The following NCAM2 variants were observed in gnomAD, a reference collection of about 807,000 sequenced individuals.
NCAM2 encodes N-CAM-2.
A neutral mutation model predicts 98.1 loss-of-function variants in NCAM2; 30 were observed. That is an observed-to-expected ratio of 0.31 (90% CI 0.23 to 0.41). NCAM2 has a LOEUF of 0.41. NCAM2 is among the 10% of genes least tolerant of loss of function. The pLI, the probability that NCAM2 is intolerant of heterozygous loss-of-function variation, is 1.00. For synonymous variants in NCAM2, 368 were observed against 342.4 expected (o/e 1.07, Z -0.83); for missense variants, 867 against 1,005.8 (o/e 0.86, Z 1.87).
intron 8 of NCAM2, among the ~76,000 whole-genome samples, chr21:21,342,474 G>T (rs2075068751): frequency 6.6e-6 from 1 of 152,306 alleles, no homozygotes; most frequent in East Asian, 1.9e-4. Flanking sequence ...GCAAGCTCAG[G>T]TGGAGCTGTT....
intron 1 of NCAM2, among the ~76,000 whole-genome samples, chr21:21,256,327 G>T (rs2071670624): frequency 6.6e-6 from 1 of 152,118 alleles, no homozygotes; most frequent in Admixed American, 6.6e-5. Context: ...TTGCACTCCA[G>T]CCTGGGCAAC....
At chr21:21,176,803 T>G (rs2068304300) in intron 1 of NCAM2, among the ~76,000 whole-genome samples, 1 of 151,926 alleles carries the variant, frequency 6.6e-6, no homozygotes, top group Admixed American at 6.6e-5. Context: ...AATCAGCATT[T>G]ATCTGTACTA....
At chr21:21,454,744 A>G (rs1981868044) in intron 12 of NCAM2, among the ~76,000 whole-genome samples, 1 of 152,006 alleles carries the variant, frequency 6.6e-6, no homozygotes, top group Non-Finnish European at 1.5e-5. Context: ...GCTAAATATA[A>G]GTGTTAGCTT....
At chr21:21,512,928 G>C (rs908272504) in intron 16 of NCAM2, among the ~76,000 whole-genome samples, 11 of 151,966 alleles carry the variant, frequency 7.2e-5, no homozygotes, top group African/African-American at 2.7e-4. Flanking sequence ...ATTGTACGTT[G>C]ATTTTTTATC....
chr21:21,340,241 A>T (rs1368033631), intron 8 of NCAM2, among the ~76,000 whole-genome samples: 1 of 151,832 alleles, frequency 6.6e-6, no homozygotes, highest in Non-Finnish European at 1.5e-5. Flanking sequence ...ATTATTTTTC[A>T]GCTTACTGCA....
chr21:21,314,716 T>A (rs553006487), intron 5 of NCAM2, among the ~76,000 whole-genome samples: 14 of 152,256 alleles, frequency 9.2e-5, no homozygotes, highest in African/African-American at 3.4e-4. Flanking sequence ...ATTCTTTATG[T>A]TTGATAACTC....
chr21:21,393,555 A>G (rs1216896565), intron 9 of NCAM2, among the ~76,000 whole-genome samples: 6 of 152,286 alleles, frequency 3.9e-5, no homozygotes, highest in African/African-American at 9.6e-5. Context: ...TTTAAAGATA[A>G]TATCTTAATA....
intron 15 of NCAM2, among the ~76,000 whole-genome samples, chr21:21,497,956 A>G (rs1987361973): frequency 1.3e-5 from 2 of 152,154 alleles, no homozygotes; most frequent in South Asian, 4.1e-4. Context: ...TAAAGTTTTC[A>G]AATTCCCCAA....
intron 11 of NCAM2, among the ~76,000 whole-genome samples, chr21:21,421,582 T>G (rs1305934468): frequency 6.6e-6 from 1 of 152,216 alleles, no homozygotes; most frequent in Non-Finnish European, 1.5e-5. Flanking sequence ...TATGGTACTC[T>G]TATTTAATAC....
At chr21:21,176,515 ACT>A (rs780455475) in intron 1 of NCAM2, among the ~76,000 whole-genome samples, 2 of 151,996 alleles carry the variant, frequency 1.3e-5, no homozygotes, top group Non-Finnish European at 2.9e-5. Context: ...CAAAATATTA[ACT>A]CTAGAGTTTT....
chr21:21,185,149 C>T (rs1231096024), intron 1 of NCAM2, among the ~76,000 whole-genome samples: 1 of 152,140 alleles, frequency 6.6e-6, no homozygotes, highest in African/African-American at 2.4e-5. Context: ...TAACATTTAA[C>T]ACACTCTTAC....
At chr21:21,040,527 A>G (rs368997929) in intron 1 of NCAM2, among the ~76,000 whole-genome samples, 102 of 152,284 alleles carry the variant, frequency 6.7e-4, no homozygotes, top group African/African-American at 2.4e-3. Context: ...ACAAGGATAT[A>G]GGACAAACCT....
intron 8 of NCAM2, among the ~76,000 whole-genome samples, chr21:21,350,419 A>G (rs1312838057): frequency 6.6e-6 from 1 of 152,176 alleles, no homozygotes; most frequent in African/African-American, 2.4e-5. Context: ...ACTACAATCC[A>G]GGACAGCTTC....
chr21:21,537,095 TTAA>T (rs1480839975), intron 17 of NCAM2, among the ~76,000 whole-genome samples: 1 of 152,096 alleles, frequency 6.6e-6, no homozygotes, highest in Non-Finnish European at 1.5e-5. Context: ...TTATTTTATT[TTAA>T]TAATAATTAT....
intron 1 of NCAM2, among the ~76,000 whole-genome samples, chr21:21,007,568 G>T (rs4818593): frequency 0.61 from 92,758 of 151,924 alleles, 29,072 homozygotes; most frequent in East Asian, 0.85. Context: ...AACTGAAGGT[G>T]CCTCTCCTTT....
At chr21:21,504,280 T>G (rs1034723585) in intron 15 of NCAM2, among the ~76,000 whole-genome samples, 17 of 151,964 alleles carry the variant, frequency 1.1e-4, no homozygotes, top group African/African-American at 4.1e-4. Context: ...CTCAGTTTTC[T>G]TTTATGTAAA....
chr21:21,384,405 A>G (rs2076220010), intron 9 of NCAM2, among the ~76,000 whole-genome samples: 1 of 151,860 alleles, frequency 6.6e-6, no homozygotes, highest in Non-Finnish European at 1.5e-5. Context: ...AGTCTCTAGC[A>G]GTCTAGTTTC....
At chr21:21,042,114 G>A (rs1201681224) in intron 1 of NCAM2, among the ~76,000 whole-genome samples, 1 of 152,138 alleles carries the variant, frequency 6.6e-6, no homozygotes, top group Non-Finnish European at 1.5e-5. Flanking sequence ...ATAAAGTTTG[G>A]AAGATGGGTC....
chr21:21,217,038 C>T (rs2069931969), intron 1 of NCAM2, among the ~76,000 whole-genome samples: 1 of 152,120 alleles, frequency 6.6e-6, no homozygotes, highest in Non-Finnish European at 1.5e-5. Flanking sequence ...GAAGGACTAG[C>T]AGTGTAATGA....
Sources: allele counts gnomAD v4.1 joint callset (sites outside exome capture counted in the v4.1 genomes callset), GRCh38; gene constraint gnomAD v4.1.1; transcripts MANE v1.5; gene names NCBI Gene and HGNC (gene_info 2026-07-23, HGNC 2026-07-21).